PTPRG: variants seen among roughly 807,000 people sequenced by gnomAD.
The protein encoded by PTPRG is receptor-type tyrosine-protein phosphatase gamma.
PTPRG carries 102 observed loss-of-function variants against 165.3 expected under a neutral mutation model. The observed-to-expected ratio is 0.62, with a 90% CI of 0.53 to 0.73. The LOEUF (loss-of-function observed/expected upper bound fraction) is 0.73. Among genes scored for constraint, PTPRG ranks in the 30% least tolerant of loss-of-function variants. The pLI, the probability that PTPRG is intolerant of heterozygous loss-of-function variation, is 0.00. For synonymous variants in PTPRG, 675 were observed against 669.5 expected (o/e 1.01, Z -0.13); for missense variants, 1,866 against 1,861.4 (o/e 1.00, Z -0.05).
chr3:61,869,535 A>G (rs939922743), intron 2 of PTPRG, among the ~76,000 whole-genome samples: 1 of 151,892 alleles, frequency 6.6e-6, no homozygotes, highest in African/African-American at 2.4e-5. Flanking sequence ...TTTGTCCAGA[A>G]TCCCTGGATG....
chr3:61,610,567 A>G (rs556387450), intron 1 of PTPRG, among the ~76,000 whole-genome samples: 19 of 152,360 alleles, frequency 1.2e-4, no homozygotes, highest in South Asian at 8.3e-4. Context: ...ATTTGGCTGT[A>G]CTTAGGGTGA....
intron 1 of PTPRG, among the ~76,000 whole-genome samples, chr3:61,665,035 T>C (rs1702772468): frequency 1.3e-5 from 2 of 152,160 alleles, no homozygotes; most frequent in Admixed American, 1.3e-4. Context: ...CCTGTTTGAA[T>C]AGGAACCCTC....
intron 1 of PTPRG, among the ~76,000 whole-genome samples, chr3:61,668,511 C>T (rs1181480867): frequency 6.6e-6 from 1 of 152,126 alleles, no homozygotes; most frequent in African/African-American, 2.4e-5. Context: ...TAGTAGAAAG[C>T]AAACGGCAGT....
At chr3:61,876,392 C>T (rs1320698438) in intron 2 of PTPRG, among the ~76,000 whole-genome samples, 1 of 152,110 alleles carries the variant, frequency 6.6e-6, no homozygotes, top group Non-Finnish European at 1.5e-5. Context: ...TAAGATTTTT[C>T]ATTCAGTTGA....
At position 62,203,243 on chromosome 3, in the gene PTPRG, C is replaced by G. The variant is rs772929056; in HGVS notation, c.1448C>G (p.Ser483Cys). The change falls in exon 12 of 30, where the codon TCT (serine) becomes TGT (cysteine). Residue 483 changes from serine to cysteine, a missense_variant. Ser to Cys is a moderately radical substitution (Grantham distance 112). Coordinates refer to ENST00000474889, the MANE Select transcript of PTPRG (RefSeq NM_002841.4). The surrounding 1 kb of genome is among the most constrained non-coding windows in gnomAD (Gnocchi z 6.4). Reference sequence around the variant, plus strand: ...TCGGGGTCTTCTACCTGGACGTCCTCTGGCATCCCATTCTCATTTGTTTCC... The same window carrying G: ...TCGGGGTCTTCTACCTGGACGTCCTGTGGCATCCCATTCTCATTTGTTTCC... ...ISSGSSTWTSSGIPFSFVSMA... is the reference protein window; with the variant it reads ...ISSGSSTWTSCGIPFSFVSMA... 1 of 1,613,970 alleles carries G rather than the reference C, an allele frequency of 6.2e-7. No homozygotes were observed. Among genetic ancestry groups the G allele is most frequent in the South Asian group, 1.1e-5 (1 of 91,050 alleles).
intron 1 of PTPRG, among the ~76,000 whole-genome samples, chr3:61,572,958 C>A (rs140612530): frequency 6.6e-6 from 1 of 152,136 alleles, no homozygotes; most frequent in Non-Finnish European, 1.5e-5. Context: ...TAACCATGTG[C>A]GTGGGCACAT....
intron 2 of PTPRG, among the ~76,000 whole-genome samples, chr3:61,876,248 G>A (rs1575743976): frequency 6.6e-6 from 1 of 152,212 alleles, no homozygotes; most frequent in East Asian, 1.9e-4. Flanking sequence ...AAGATCATGA[G>A]AGACAGGAGA....
intron 15 of PTPRG, among the ~76,000 whole-genome samples, chr3:62,244,656 T>C (rs2106954615): frequency 6.6e-6 from 1 of 152,294 alleles, no homozygotes; most frequent in South Asian, 2.1e-4. Context: ...CCTCCACACC[T>C]GAAGCTCCCC....
rs759641101 is a variant in PTPRG at position 62,080,062 on chromosome 3, A to ATTT, written c.615+1822_615+1824dup. On this transcript the variant is annotated intron_variant, in intron 5 of 29. Transcript: ENST00000474889. ...AGTTCTGTCTGGACCCCTTCGGTTC[A>ATTT]TTTTTTTTTTTTTTTTTTTTGAGAT... 3.1e-3 allele frequency among the ~76,000 whole-genome samples: 394 copies of ATTT among 128,766 alleles called. 6 individuals are homozygous for ATTT. Among genetic ancestry groups the ATTT allele is most frequent in the Non-Finnish European group, 5.7e-3 (334 of 59,018 alleles). 84.5% of individuals were successfully genotyped at this position (128,766 alleles called of 152,430 possible).
chr3:61,731,332 G>A (rs73099189), intron 1 of PTPRG, among the ~76,000 whole-genome samples: 2,889 of 151,350 alleles, frequency 0.019, 40 homozygotes, highest in Non-Finnish European at 0.028. Context: ...AGACACAGAA[G>A]CTCACTTTCC....
intron 9 of PTPRG, among the ~76,000 whole-genome samples, chr3:62,194,556 G>A (rs776590901): frequency 2.6e-5 from 4 of 152,168 alleles, no homozygotes; most frequent in Admixed American, 6.5e-5. Flanking sequence ...GGTGGCTCAC[G>A]CCTGCAATCC....
In PTPRG at chr3:61,738,020, TGCCTCA is replaced by T. The variant is rs374279759; in HGVS notation, c.86-10852_86-10847del. ...GCCTCCGGGGTTCACGCCATTCTCCTGCCTCAGCCTCCCGAGTAGTTGGGACTACAG... is the reference window on the plus strand; with the variant it reads ...GCCTCCGGGGTTCACGCCATTCTCCTGCCTCCCGAGTAGTTGGGACTACAG... On this transcript the variant is annotated intron_variant, in intron 1 of 29. Coordinates refer to ENST00000474889, the MANE Select transcript of PTPRG (RefSeq NM_002841.4). 1.8e-3 allele frequency among the ~76,000 whole-genome samples: 265 copies of T among 150,422 alleles called. 10 individuals are homozygous for T. In the South Asian group the frequency reaches 0.053, roughly 30 times the overall value.
intron 5 of PTPRG, among the ~76,000 whole-genome samples, chr3:62,101,238 A>C (rs1353891691): frequency 6.6e-6 from 1 of 152,190 alleles, no homozygotes; most frequent in Non-Finnish European, 1.5e-5. Context: ...CCACTTAACT[A>C]GTATCTCAGC....
chr3:61,846,022 C>T (rs142212167), intron 2 of PTPRG, among the ~76,000 whole-genome samples: 22 of 152,230 alleles, frequency 1.4e-4, no homozygotes, highest in Non-Finnish European at 2.6e-4. Flanking sequence ...CATTAATTTG[C>T]GCTGTCACCT....
At position 61,913,541 on chromosome 3, in the gene PTPRG, A is replaced by G. The variant is rs541108815; in HGVS notation, c.191-76084A>G. On this transcript the variant is annotated intron_variant, in intron 2 of 29. Coordinates refer to ENST00000474889, the MANE Select transcript of PTPRG (RefSeq NM_002841.4). ...GCCGAGGGACACCTTTTTCTGATTC[A>G]TACAGATGCACTCTACGAGTGCATA... Among the ~76,000 whole-genome samples, 7 of 152,222 alleles carry G rather than the reference A, an allele frequency of 4.6e-5. No individual in the cohort carries two copies. The South Asian group carries it at 1.5e-3, about 32-fold the overall frequency.
At chr3:62,282,993 A>C in intron 28 of PTPRG, 124 bp downstream of exon 28, 1 of 831,546 alleles carries the variant, frequency 1.2e-6, no homozygotes, top group Middle Eastern at 2.8e-4. Flanking sequence ...TGACAACTCC[A>C]TGTTATTTCT....
At chr3:62,287,159 T>C (rs1477016786) in intron 28 of PTPRG, among the ~76,000 whole-genome samples, 2 of 152,172 alleles carry the variant, frequency 1.3e-5, no homozygotes, top group East Asian at 1.9e-4. Flanking sequence ...TGGCCACAGA[T>C]AGCTTTGAAA....
chr3:61,823,758 A>G (rs1032993986), intron 2 of PTPRG, among the ~76,000 whole-genome samples: 5 of 152,244 alleles, frequency 3.3e-5, no homozygotes, highest in African/African-American at 1.2e-4. Flanking sequence ...TCAATAATGT[A>G]GGACAACGGA....
At chr3:61,889,919 A>G (rs1223901932) in intron 2 of PTPRG, among the ~76,000 whole-genome samples, 2 of 152,226 alleles carry the variant, frequency 1.3e-5, no homozygotes, top group Non-Finnish European at 2.9e-5. Flanking sequence ...ACCTGCAAAC[A>G]AGAATGTCAG....
Sources: allele counts gnomAD v4.1 joint callset (sites outside exome capture counted in the v4.1 genomes callset), GRCh38; gene constraint gnomAD v4.1.1; non-coding constraint Gnocchi (gnomAD v3.1); transcripts MANE v1.5; gene names NCBI Gene and HGNC (gene_info 2026-07-23, HGNC 2026-07-21).